The following ENO3 variants were observed in gnomAD, a reference collection of about 807,000 sequenced individuals.
The protein encoded by ENO3 is enolase 3.
Under a neutral mutation model 47.7 loss-of-function variants are expected in ENO3, and 46 were observed. The observed-to-expected ratio is 0.96, with a 90% CI of 0.76 to 1.23. The LOEUF (loss-of-function observed/expected upper bound fraction) is 1.23, where lower values mean the gene tolerates loss of function less well. Ranked by LOEUF, ENO3 falls within the 50% of genes most tolerant of loss-of-function variation. The probability of loss-of-function intolerance (pLI) is 0.00; values close to 1 mark genes in which losing one functional copy is unlikely to be tolerated. For missense variants in ENO3, 575 were observed against 566.2 expected (o/e 1.02, Z -0.16); for synonymous variants, 223 against 225.9 (o/e 0.99, Z 0.11).
chr17:4,953,562 G>T (rs934039117), intron 5 of ENO3, 150 bp from the exon 6 acceptor site: 1 of 1,482,356 alleles, frequency 6.7e-7, no homozygotes, highest in Non-Finnish European at 9.4e-7. Flanking sequence ...CCCCCGGGGT[G>T]GGGGTTCCCA....
chr17:4,952,917 C>T (rs200352599), intron 3 of ENO3, 27 bp downstream of exon 3: 1 of 1,610,760 alleles, frequency 6.2e-7, no homozygotes, highest in Non-Finnish European at 8.5e-7. Flanking sequence ...GCAGAAGGAG[C>T]CTGTGTGGGC....
Position 4,956,897 on chromosome 17 carries a change from G to A in ENO3, c.1235+8G>A, listed in dbSNP as rs1971757452. 6 of 1,614,226 alleles carry A rather than the reference G, an allele frequency of 3.7e-6. No individual in the cohort carries two copies. Among genetic ancestry groups the A allele is most frequent in the African/African-American group, 1.3e-5 (1 of 75,054 alleles). ...ATACAACCAACTCATGAGGTACAGC[G>A]GGAACAGTGGGCCTGGGCATTGGGG... On this transcript the variant is annotated splice_region_variant and intron_variant, in intron 11 of 11. Coordinates refer to ENST00000519602, the MANE Select transcript of ENO3 (RefSeq NM_053013.4).
In ENO3 at chr17:4,952,779, A is replaced by C; in HGVS notation, c.86-16A>C. Reference sequence around the variant, plus strand: ...GCCCAGCCATCCCTGTGATCTTCCAATTCCTCCTGTCCCAGGCCGATTCCG... The same window carrying C: ...GCCCAGCCATCCCTGTGATCTTCCACTTCCTCCTGTCCCAGGCCGATTCCG... On this transcript the variant is annotated splice_polypyrimidine_tract_variant and intron_variant, in intron 2 of 11. Coordinates refer to ENST00000519602, the MANE Select transcript of ENO3 (RefSeq NM_053013.4). 1 of 1,600,170 alleles carries C rather than the reference A, an allele frequency of 6.2e-7. No homozygotes were observed. The highest frequency in any genetic ancestry group is 8.5e-7 in the Non-Finnish European group (1 of 1,171,882).
intron 5 of ENO3, 99 bp from the exon 6 acceptor site, chr17:4,953,610 ATTC>A: frequency 6.2e-7 from 1 of 1,602,138 alleles, no homozygotes. Flanking sequence ...CTGTTAACCA[ATTC>A]TTCATGCTCA....
upstream of ENO3, among the ~76,000 whole-genome samples, chr17:4,949,584 C>T (rs754666309): frequency 6.7e-6 from 1 of 150,314 alleles, no homozygotes; most frequent in African/African-American, 2.4e-5. Flanking sequence ...TCTTCGCAGT[C>T]AGATGTGCGC....
chr17:4,953,275 C>T lies in ENO3; in HGVS notation c.244C>T (p.Leu82=). The T allele has an allele frequency of 6.2e-7, 1 of 1,614,224 alleles. No individual in the cohort carries two copies. Among genetic ancestry groups the T allele is most frequent in the Non-Finnish European group, 8.5e-7 (1 of 1,180,042 alleles). The change falls in exon 5 of 12, where the codon CTA becomes TTA. Residue 82 remains leucine, a synonymous_variant. Transcript: ENST00000519602. ...CTTCTCAAACTCACCCTTCCAGAAA[C>T]TAAGCGTTGTGGATCAAGAAAAAGT... is the stretch of plus-strand genomic sequence containing the variant. The part of the protein sequence containing the change: ...TLGPALLQKK[L]SVVDQEKVDK...
chr17:4,952,535 G>A (rs1378475562), intron 2 of ENO3, among the ~76,000 whole-genome samples: 2 of 152,142 alleles, frequency 1.3e-5, no homozygotes, highest in African/African-American at 4.8e-5. Flanking sequence ...GTGTCAGCCA[G>A]GATTGTCTCG....
intron 4 of ENO3, 25 bp downstream of exon 4, chr17:4,953,134 C>CA (rs776292024): frequency 6.2e-7 from 1 of 1,614,062 alleles, no homozygotes; most frequent in African/African-American, 1.3e-5. Flanking sequence ...CCGCTCGCTG[C>CA]AGCCTCCTCC....
At chr17:4,952,746 G>T in intron 2 of ENO3, 49 bp from the exon 3 acceptor site, 1 of 1,554,598 alleles carries the variant, frequency 6.4e-7, no homozygotes, top group South Asian at 1.2e-5. Flanking sequence ...ACAGGCATGG[G>T]CCACCGCGCC....
chr17:4,954,201 A>G (rs1971647880), intron 6 of ENO3: 1 of 356,166 alleles, frequency 2.8e-6, no homozygotes, highest in African/African-American at 2.1e-5. Context: ...TCCTTCTTAA[A>G]CCAGTGCCTT....
In ENO3 at chr17:4,953,169, G is replaced by C. The variant is rs1041242459; in HGVS notation, c.240+60G>C. On this transcript the variant is annotated intron_variant, in intron 4 of 11. Coordinates refer to ENST00000519602, the MANE Select transcript of ENO3 (RefSeq NM_053013.4). ...CCCATGCCCCTGCTCCCTCAGCCCAGACAGGCCTCTCCCGAAACATTTTCC... is the reference window on the plus strand; with the variant it reads ...CCCATGCCCCTGCTCCCTCAGCCCACACAGGCCTCTCCCGAAACATTTTCC... 5.5e-5 allele frequency: 88 copies of C among 1,613,420 alleles called. No homozygotes were observed. In the East Asian group the frequency reaches 1.9e-3, roughly 36 times the overall value.
intron 5 of ENO3, 50 bp downstream of exon 5, chr17:4,953,391 C>T (rs1163625261): frequency 5.0e-6 from 8 of 1,611,276 alleles, no homozygotes; most frequent in East Asian, 4.5e-5. Context: ...GGAGAGATGG[C>T]GAGAGGCCAT....
At chr17:4,952,616 C>T (rs942551470) in intron 2 of ENO3, among the ~76,000 whole-genome samples, 179 bp from the exon 3 acceptor site, 3 of 152,210 alleles carry the variant, frequency 2.0e-5, no homozygotes, top group Admixed American at 2.0e-4. Context: ...AGCCACCGCG[C>T]CCGGCCTCAG....
Position 4,952,830 on chromosome 17 carries a change from A to T in ENO3, c.121A>T (p.Thr41Ser). The change falls in exon 3 of 12, where the codon ACG (threonine) becomes TCG (serine). Residue 41 changes from threonine (T) to serine (S), a missense_variant. Transcript: ENST00000519602. ...FRAAVPSGAS[T>S]GIYEALELRD... ...AGCAGCTGTGCCCAGTGGGGCTTCC[A>T]CGGGTATCTATGAGGCTCTGGAACT... 5 of 1,611,844 alleles carry T rather than the reference A, an allele frequency of 3.1e-6. No individual in the cohort carries two copies. Among genetic ancestry groups the T allele is most frequent in the Non-Finnish European group, 4.2e-6 (5 of 1,178,838 alleles).
intron 7 of ENO3, 23 bp from the exon 8 acceptor site, chr17:4,955,384 G>A (rs1458510402): frequency 6.2e-7 from 1 of 1,614,106 alleles, no homozygotes; most frequent in Admixed American, 1.7e-5. Context: ...GGAGTCTCAG[G>A]TCCTTTCTTG....
upstream of ENO3, chr17:4,950,709 G>A (rs1025952278): frequency 5.1e-6 from 5 of 978,446 alleles, no homozygotes; most frequent in African/African-American, 8.7e-5. Context: ...AGCGATCTGA[G>A]CATGTGTGGA....
intron 6 of ENO3, 67 bp from the exon 7 acceptor site, chr17:4,955,008 C>A: frequency 6.7e-7 from 1 of 1,496,154 alleles, no homozygotes; most frequent in Non-Finnish European, 9.1e-7. Context: ...CCCAACACCC[C>A]CCGCCCCTGT....
Position 4,956,838 on chromosome 17 carries a change from C to G in ENO3, c.1184C>G (p.Thr395Ser). Residue 395 changes from threonine to serine, a missense_variant, in exon 11 of 12, where the codon ACT (threonine) becomes AGT (serine). Coordinates refer to ENST00000519602, the MANE Select transcript of ENO3 (RefSeq NM_053013.4). The stretch of plus-strand genomic sequence containing the variant: ...TTCTTCTTCCCTCATCAGATCAAGA[C>G]TGGCGCCCCCTGCCGCTCGGAGCGT... ...VVGLCTGQIK[T>S]GAPCRSERLA... 2 of 1,614,236 alleles carry G rather than the reference C, an allele frequency of 1.2e-6. No homozygotes were observed. Among genetic ancestry groups the G allele is most frequent in the East Asian group, 4.5e-5 (2 of 44,884 alleles).
In ENO3 at chr17:4,953,818, G is replaced by T. The variant is rs142390642; in HGVS notation, c.417G>T (p.Gly139=). The change falls in exon 6 of 12, where the codon GGG becomes GGT. Residue 139 remains glycine (G), a synonymous_variant. Coordinates refer to ENST00000519602, the MANE Select transcript of ENO3 (RefSeq NM_053013.4). The part of the protein sequence containing the change: ...PLYRHIADLA[G]NPDLILPVPA... ...ACCGCCACATCGCAGATCTCGCTGGGAACCCTGACCTCATACTCCCAGTGC... is the reference window on the plus strand; with the variant it reads ...ACCGCCACATCGCAGATCTCGCTGGTAACCCTGACCTCATACTCCCAGTGC... The T allele has an allele frequency of 1.2e-6, 2 of 1,614,148 alleles. No homozygotes were observed. The highest frequency in any genetic ancestry group is 3.3e-5 in the Admixed American group (2 of 60,018).
Sources: allele counts gnomAD v4.1 joint callset (sites outside exome capture counted in the v4.1 genomes callset), GRCh38; gene constraint gnomAD v4.1.1; transcripts MANE v1.5; gene names NCBI Gene and HGNC (gene_info 2026-07-23, HGNC 2026-07-21).